PKD1L1: variants seen among roughly 807,000 people sequenced by gnomAD.
PKD1L1 encodes the protein polycystin-1-like protein 1.
A neutral mutation model predicts 323.4 loss-of-function variants in PKD1L1; 236 were observed. The observed-to-expected ratio is 0.73, with a 90% confidence interval of 0.66 to 0.81. The LOEUF (loss-of-function observed/expected upper bound fraction) is 0.81, where lower values mean the gene tolerates loss of function less well. Among genes scored for constraint, PKD1L1 ranks in the 40% least tolerant of loss-of-function variants. The pLI, the probability that PKD1L1 is intolerant of heterozygous loss-of-function variation, is 0.00. For synonymous variants in PKD1L1, 1,344 were observed against 1,335.0 expected (o/e 1.01, Z -0.15); for missense variants, 3,320 against 3,508.0 (o/e 0.95, Z 1.35).
upstream of PKD1L1, among the ~76,000 whole-genome samples, chr7:47,950,171 T>C (rs995040268): frequency 6.6e-6 from 1 of 152,160 alleles, no homozygotes; most frequent in Non-Finnish European, 1.5e-5. Context: ...CACCTTCCTG[T>C]CAAATCTAAA....
intron 24 of PKD1L1, among the ~76,000 whole-genome samples, chr7:47,871,170 A>G (rs976511613): frequency 7.9e-5 from 12 of 152,176 alleles, no homozygotes; most frequent in Non-Finnish European, 1.5e-4. Flanking sequence ...AGATGTATAC[A>G]TCATGACCAA....
rs2348661 is a variant in PKD1L1, at chr7:47,877,362, G to T, written c.3663+127C>A. On this transcript the variant is annotated intron_variant, in intron 22 of 56. Transcript: ENST00000289672. ...CCTAACCAACTTTCCAACATTCAAC[G>T]GCAGGCTGAAATCCTTCACAGGTGG... 0.3 allele frequency: 400,311 copies of T among 1,346,808 alleles called. 63,462 individuals carry two copies. The highest frequency in any genetic ancestry group is 0.57 in the African/African-American group (39,001 of 68,678). The allele number at this position is 1,346,808 out of a possible 1,614,324, so 83.4% of individuals were successfully genotyped here.
intron 13 of PKD1L1, among the ~76,000 whole-genome samples, chr7:47,899,763 T>C (rs909721784): frequency 4.1e-4 from 63 of 152,094 alleles, no homozygotes; most frequent in East Asian, 9.6e-4. Context: ...AAGACCATCC[T>C]GGCTAACACG....
intron 56 of PKD1L1, among the ~76,000 whole-genome samples, chr7:47,785,744 C>CTTTTTTTT (rs58949004): frequency 7.1e-6 from 1 of 141,174 alleles, no homozygotes. Flanking sequence ...ATATTTCTTT[C>CTTTTTTTT]TTTTTTTTTT....
At chr7:47,812,903 T>A (rs1259255148) in intron 49 of PKD1L1, among the ~76,000 whole-genome samples, 1 of 152,256 alleles carries the variant, frequency 6.6e-6, no homozygotes, top group Non-Finnish European at 1.5e-5. Context: ...TGAAAGAACG[T>A]TTGCTCTGTG....
chr7:47,877,450 C>T (rs761331988), intron 22 of PKD1L1, 39 bp downstream of exon 22: 15 of 1,608,480 alleles, frequency 9.3e-6, no homozygotes, highest in Middle Eastern at 2.0e-4. Context: ...ATGCCACTGT[C>T]GGGGGTCTCT....
At chr7:47,877,020 T>G (rs2004959) in intron 22 of PKD1L1, among the ~76,000 whole-genome samples, 2 of 151,658 alleles carry the variant, frequency 1.3e-5, no homozygotes, top group Non-Finnish European at 2.9e-5. Context: ...TTTAAATCCA[T>G]CCTCTCATTT....
In PKD1L1 at chr7:47,840,007, T is replaced by C. The variant is rs1021065877; in HGVS notation, c.5553-345A>G. ...AGACATAATACTCCAAACCTATAAATATCATACATGAAATTTACCAGGAGA... is the reference window on the plus strand; with the variant it reads ...AGACATAATACTCCAAACCTATAAACATCATACATGAAATTTACCAGGAGA... On this transcript the variant is annotated intron_variant, in intron 35 of 56. Transcript: ENST00000289672. The surrounding 1 kb of genome is among the most constrained non-coding windows in gnomAD (Gnocchi z 4.1). Among the ~76,000 whole-genome samples, 1 of 152,178 alleles carries C rather than the reference T, an allele frequency of 6.6e-6. No individual in the cohort carries two copies. Among genetic ancestry groups the C allele is most frequent in the African/African-American group, 2.4e-5 (1 of 41,440 alleles).
At chr7:47,904,638 G>A (rs929699555) in intron 11 of PKD1L1, 21 bp from the exon 12 acceptor site, 1 of 1,597,042 alleles carries the variant, frequency 6.3e-7, no homozygotes, top group Non-Finnish European at 8.6e-7. Context: ...GGGAAAGGAG[G>A]GCAGGGAAGG....
chr7:47,905,258 G>A lies in PKD1L1; in HGVS notation c.1590C>T (p.Thr530=), dbSNP rs1355936835. 6.2e-7 allele frequency: 1 copy of A among 1,614,032 alleles called. No homozygotes were observed. The highest frequency in any genetic ancestry group is 8.5e-7 in the Non-Finnish European group (1 of 1,179,996). ...TDTDITFTAV[T]KETIPLEFEW... is the part of the protein sequence containing the mutation. ...CAAATTCCAGGGGTATTGTTTCCTT[G>A]GTAACAGCTGTAAATGTAATGTCTG... The change falls in exon 11 of 57, where the codon ACC becomes ACT. Residue 530 remains threonine, a synonymous_variant. Coordinates refer to ENST00000289672, the MANE Select transcript of PKD1L1 (RefSeq NM_138295.5).
intron 45 of PKD1L1, among the ~76,000 whole-genome samples, chr7:47,824,197 CT>C (rs1464861151): frequency 1.3e-5 from 2 of 152,156 alleles, no homozygotes; most frequent in Admixed American, 1.3e-4. Flanking sequence ...TGCTTCTGGG[CT>C]GTTTCTAGGC....
At chr7:47,825,335 G>A (rs562136389) in intron 45 of PKD1L1, among the ~76,000 whole-genome samples, 2 of 152,052 alleles carry the variant, frequency 1.3e-5, no homozygotes, top group African/African-American at 4.8e-5. Context: ...TTCAAGACCA[G>A]CCTGACCTAC....
chr7:47,942,780 C>T (rs1025038947), intron 2 of PKD1L1, among the ~76,000 whole-genome samples: 6 of 152,100 alleles, frequency 3.9e-5, no homozygotes, highest in Admixed American at 3.3e-4. Flanking sequence ...GAAGTGTGGC[C>T]CCCAGATCTC....
At position 47,877,591 on chromosome 7, in the gene PKD1L1, C is replaced by T; in HGVS notation, c.3561G>A (p.Leu1187=). The stretch of plus-strand genomic sequence containing the variant: ...TGTCCCGAGGAGCCGGGTTGACTGT[C>T]AAGTACAGCTGAGCTTTACCCAGTA... ...HGLLGKAQLY[L]TVNPAPRDMA... The change falls in exon 22 of 57, where the codon TTG becomes TTA. Residue 1187 remains leucine (L), a synonymous_variant. Coordinates refer to ENST00000289672, the MANE Select transcript of PKD1L1 (RefSeq NM_138295.5). The T allele has an allele frequency of 6.2e-7, 1 of 1,614,162 alleles. No homozygotes were observed. The highest frequency in any genetic ancestry group is 1.1e-5 in the South Asian group (1 of 91,080).
At chr7:47,958,140 A>G in the PKD1L1 span, among the ~76,000 whole-genome samples, 1 of 152,182 alleles carries the variant, frequency 6.6e-6, no homozygotes, top group Non-Finnish European at 1.5e-5. Flanking sequence ...TAGCCAAAGC[A>G]ATCTTGAGCA....
chr7:47,874,023 A>G lies in PKD1L1; in HGVS notation c.3785-13T>C. 3.3e-6 allele frequency: 5 copies of G among 1,533,674 alleles called. No individual in the cohort carries two copies. Among genetic ancestry groups the G allele is most frequent in the Non-Finnish European group, 4.5e-6 (5 of 1,110,548 alleles). On this transcript the variant is annotated splice_polypyrimidine_tract_variant and intron_variant, in intron 23 of 56. Coordinates refer to ENST00000289672, the MANE Select transcript of PKD1L1 (RefSeq NM_138295.5). ...GTGGAAACCATGACTGTGAGGGAAC[A>G]TGTCAGAAGAGGGTCATCTTGGACA...
chr7:47,778,235 C>G (rs1786613119), intron 56 of PKD1L1, among the ~76,000 whole-genome samples: 1 of 152,082 alleles, frequency 6.6e-6, no homozygotes, highest in Non-Finnish European at 1.5e-5. Context: ...AGGAAGACCA[C>G]CAGGGCTGCC....
In PKD1L1 at chr7:47,839,769, G is replaced by A. The variant is rs551232484; in HGVS notation, c.5553-107C>T. 3.7e-6 allele frequency: 4 copies of A among 1,090,588 alleles called. No individual in the cohort carries two copies. The highest frequency in any genetic ancestry group is 1.6e-5 in the African/African-American group (1 of 64,486). 67.6% of individuals were successfully genotyped at this position (1,090,588 alleles called of 1,614,324 possible). Reference sequence around the variant, plus strand: ...AAGGCACTGATGGCCCACAGAGGGTGGATGGGACATGTCAAAGGTGACTGA... The same window carrying A: ...AAGGCACTGATGGCCCACAGAGGGTAGATGGGACATGTCAAAGGTGACTGA... On this transcript the variant is annotated intron_variant, in intron 35 of 56. Coordinates refer to ENST00000289672, the MANE Select transcript of PKD1L1 (RefSeq NM_138295.5). The surrounding 1 kb of genome is among the most constrained non-coding windows in gnomAD (Gnocchi z 4.3).
intron 55 of PKD1L1, among the ~76,000 whole-genome samples, chr7:47,794,102 C>T (rs1231908082): frequency 6.6e-6 from 1 of 152,160 alleles, no homozygotes; most frequent in East Asian, 1.9e-4. Flanking sequence ...AAATTTGCAG[C>T]CTGACAATGC....
Sources: allele counts gnomAD v4.1 joint callset (sites outside exome capture counted in the v4.1 genomes callset), GRCh38; gene constraint gnomAD v4.1.1; non-coding constraint Gnocchi (gnomAD v3.1); transcripts MANE v1.5; gene names NCBI Gene and HGNC (gene_info 2026-07-23, HGNC 2026-07-21).